Variants in OR7D4 observed in about 807,000 individuals in gnomAD.
OR7D4 encodes olfactory receptor family 7 subfamily D member 4.
For synonymous variants in OR7D4, 154 were observed against 158.4 expected (o/e 0.97, Z 0.21); for missense variants, 319 against 377.1 (o/e 0.85, Z 1.27).
chr19:9,214,120 T>G lies in OR7D4; in HGVS notation c.718A>C (p.Thr240Pro), dbSNP rs779947288. 6 of 1,614,018 alleles carry G rather than the reference T, an allele frequency of 3.7e-6. No individual in the cohort carries two copies. Among genetic ancestry groups the G allele is most frequent in the Non-Finnish European group, 5.1e-6 (6 of 1,179,980 alleles). The change falls in exon 2 of 2, where the codon ACC becomes CCC. Residue 240 changes from threonine to proline, a missense_variant. Thr to Pro is a conservative substitution (Grantham distance 38). Transcript: ENST00000641669. Reference sequence around the variant, plus strand: ...ACCACACAGAGGTGAGATCCACAGGTGGAAAAGGCTTTGTACTTGCCCTTG... The same window carrying G: ...ACCACACAGAGGTGAGATCCACAGGGGGAAAAGGCTTTGTACTTGCCCTTG... ...STKGKYKAFSTCGSHLCVVSL... is the reference protein window; with the variant it reads ...STKGKYKAFSPCGSHLCVVSL...
At position 9,212,664 on chromosome 19, in the gene OR7D4, G is replaced by A. The variant is rs1484177039; in HGVS notation, c.*1235C>T. On this transcript the variant is annotated 3_prime_UTR_variant, in exon 2 of 2. Coordinates refer to ENST00000641669, the MANE Select transcript of OR7D4 (RefSeq NM_001005191.3). ...TAGCATGTCAGACTCATTCTGGCCA[G>A]TATATTACTAGGAACCATTTGACCC... The A allele has an allele frequency of 6.6e-6, 1 of 152,136 alleles. No individual in the cohort carries two copies. Among genetic ancestry groups the A allele is most frequent in the Non-Finnish European group, 1.5e-5 (1 of 68,038 alleles). 9.4% of individuals were successfully genotyped at this position (152,136 alleles called of 1,614,324 possible). A position where few individuals can be genotyped will look rare whatever the true frequency, so the allele number is the denominator to read the frequency against.
chr19:9,219,547 A>G lies in OR7D4; in HGVS notation c.-361T>C, dbSNP rs1457892345. ...CTGGGTCACACTAACTCTGATGGTT[A>G]TCACTGAAGTTTTCTCTTCTACACG... On this transcript the variant is annotated 5_prime_UTR_variant, in exon 1 of 2. Coordinates refer to ENST00000641669, the MANE Select transcript of OR7D4 (RefSeq NM_001005191.3). 1.3e-5 allele frequency: 2 copies of G among 152,180 alleles called. No homozygotes were observed. Among genetic ancestry groups the G allele is most frequent in the Non-Finnish European group, 2.9e-5 (2 of 68,042 alleles). 9.4% of individuals were successfully genotyped at this position (152,180 alleles called of 1,614,324 possible). A position where few individuals can be genotyped will look rare whatever the true frequency, so the allele number is the denominator to read the frequency against.
intron 1 of OR7D4, 144 bp from the exon 2 acceptor site, chr19:9,214,994 G>A: frequency 1.7e-6 from 1 of 590,194 alleles, no homozygotes. Context: ...TCAGGAAGTG[G>A]TATCTATTTT....
intron 1 of OR7D4, 92 bp from the exon 2 acceptor site, chr19:9,214,942 T>A: frequency 1.5e-6 from 1 of 653,108 alleles, no homozygotes; most frequent in Non-Finnish European, 2.7e-6. Flanking sequence ...TTGATGGACA[T>A]TTGTCACCCT....
intron 1 of OR7D4, among the ~76,000 whole-genome samples, chr19:9,215,065 C>T (rs556023402): frequency 6.6e-6 from 1 of 152,144 alleles, no homozygotes; most frequent in Non-Finnish European, 1.5e-5. Context: ...CTCTCTTTGG[C>T]CGGGCATGGT....
rs1442954619 is a variant in OR7D4 at position 9,214,358 on chromosome 19, A to C, written c.480T>G (p.Ile160Met). 1 of 1,614,034 alleles carries C rather than the reference A, an allele frequency of 6.2e-7. No homozygotes were observed. The highest frequency in any genetic ancestry group is 8.5e-7 in the Non-Finnish European group (1 of 1,180,032). The part of the protein sequence containing the change: ...FIIFWFSLVH[I>M]LLMKRLTFST... ...AGAAGGTCAACCTCTTCATCAGTAG[A>C]ATATGAACCAGGGAGAACCAGAAAA... The change falls in exon 2 of 2, where the codon ATT (isoleucine) becomes ATG (methionine). Residue 160 changes from isoleucine (I) to methionine (M), a missense_variant. By Grantham distance (10) the Ile-to-Met change is conservative. Coordinates refer to ENST00000641669, the MANE Select transcript of OR7D4 (RefSeq NM_001005191.3).
At chr19:9,218,598 T>A (rs1389260410) in intron 1 of OR7D4, among the ~76,000 whole-genome samples, 1 of 152,156 alleles carries the variant, frequency 6.6e-6, no homozygotes, top group African/African-American at 2.4e-5. Context: ...CTACTACAAT[T>A]TCAATCTTTT....
chr19:9,216,819 T>C (rs750473070), intron 1 of OR7D4, among the ~76,000 whole-genome samples: 1 of 152,206 alleles, frequency 6.6e-6, no homozygotes, highest in Non-Finnish European at 1.5e-5. Context: ...TTTGAACTCC[T>C]GGGCTCAAGT....
At chr19:9,216,499 T>C (rs531782385) in intron 1 of OR7D4, among the ~76,000 whole-genome samples, 1 of 152,324 alleles carries the variant, frequency 6.6e-6, no homozygotes, top group South Asian at 2.1e-4. Context: ...TGTGGGAATA[T>C]TGAAGAGTGA....
chr19:9,215,208 T>C (rs2051202865), intron 1 of OR7D4, among the ~76,000 whole-genome samples: 2 of 152,098 alleles, frequency 1.3e-5, no homozygotes, highest in Non-Finnish European at 2.9e-5. Context: ...CTGGGCGTTG[T>C]GGAGTGCACC....
chr19:9,215,502 C>T (rs1289296058), intron 1 of OR7D4, among the ~76,000 whole-genome samples: 1 of 152,060 alleles, frequency 6.6e-6, no homozygotes, highest in East Asian at 1.9e-4. Flanking sequence ...CCCCATGCTT[C>T]CTTCATTCTA....
At position 9,219,206 on chromosome 19, in the gene OR7D4, C is replaced by T. The variant is rs957068659; in HGVS notation, c.-20G>A. The stretch of plus-strand genomic sequence containing the variant: ...AGGAACACATAGACAATACCTTGAG[C>T]ATAGTAGATCTTCCGTGAGTAGTTA... On this transcript the variant is annotated 5_prime_UTR_variant, in exon 1 of 2. The change abolishes an upstream ATG in the 5' untranslated region. Transcript: ENST00000641669. 1 of 152,086 alleles carries T rather than the reference C, an allele frequency of 6.6e-6. No individual in the cohort carries two copies. The highest frequency in any genetic ancestry group is 2.4e-5 in the African/African-American group (1 of 41,404). 9.4% of individuals were successfully genotyped at this position (152,086 alleles called of 1,614,324 possible). A position where few individuals can be genotyped will look rare whatever the true frequency, so the allele number is the denominator to read the frequency against.
rs1025996188 is a variant in OR7D4 at position 9,213,041 on chromosome 19, G to C, written c.*858C>G. On this transcript the variant is annotated 3_prime_UTR_variant, in exon 2 of 2. Coordinates refer to ENST00000641669, the MANE Select transcript of OR7D4 (RefSeq NM_001005191.3). ...TCCTCCTTTGAGAAATGCAGTGAAT[G>C]AGACAAAATTTCTCACGAAATGTTT... 6.6e-6 allele frequency: 1 copy of C among 152,208 alleles called. No homozygotes were observed. The highest frequency in any genetic ancestry group is 1.5e-5 in the Non-Finnish European group (1 of 68,042). 9.4% of individuals were successfully genotyped at this position (152,208 alleles called of 1,614,324 possible). A position where few individuals can be genotyped will look rare whatever the true frequency, so the allele number is the denominator to read the frequency against.
At chr19:9,215,559 C>G (rs752512499) in intron 1 of OR7D4, among the ~76,000 whole-genome samples, 12 of 152,010 alleles carry the variant, frequency 7.9e-5, no homozygotes, top group Non-Finnish European at 1.5e-4. Flanking sequence ...ACCCAAACAA[C>G]CTTTATTCTG....
rs559806910 is a variant in OR7D4, at chr19:9,213,245, A to C, written c.*654T>G. 6.6e-6 allele frequency: 1 copy of C among 152,330 alleles called. No homozygotes were observed. Among genetic ancestry groups the C allele is most frequent in the East Asian group, 1.9e-4 (1 of 5,190 alleles). 9.4% of individuals were successfully genotyped at this position (152,330 alleles called of 1,614,324 possible). On this transcript the variant is annotated 3_prime_UTR_variant, in exon 2 of 2. Coordinates refer to ENST00000641669, the MANE Select transcript of OR7D4 (RefSeq NM_001005191.3). ...TAATTTTTGAGGAAACCAGGTCAGC[A>C]CTTGATATTGGGAGTGCCATACACA...
At position 9,212,255 on chromosome 19, in the gene OR7D4, T is replaced by C. The variant is rs2146002392; in HGVS notation, c.*1644A>G. On this transcript the variant is annotated 3_prime_UTR_variant, in exon 2 of 2. Transcript: ENST00000641669. ...TTTATTTATTTATTTTGTTTTATGT[T>C]TTAGACAGAGTCTTGCTCTGTCGCC... The C allele has an allele frequency of 6.6e-6, 1 of 152,358 alleles. No homozygotes were observed. The highest frequency in any genetic ancestry group is 2.1e-4 in the South Asian group (1 of 4,832). 9.4% of individuals were successfully genotyped at this position (152,358 alleles called of 1,614,324 possible). A position where few individuals can be genotyped will look rare whatever the true frequency, so the allele number is the denominator to read the frequency against.
At position 9,213,294 on chromosome 19, in the gene OR7D4, G is replaced by C. The variant is rs1018227884; in HGVS notation, c.*605C>G. 1 of 152,316 alleles carries C rather than the reference G, an allele frequency of 6.6e-6. No individual in the cohort carries two copies. Among genetic ancestry groups the C allele is most frequent in the African/African-American group, 2.4e-5 (1 of 41,392 alleles). The allele number at this position is 152,316 out of a possible 1,614,324, so 9.4% of individuals were successfully genotyped here. A position where few individuals can be genotyped will look rare whatever the true frequency, so the allele number is the denominator to read the frequency against. ...CATCAAATTAGAAGTCTCAGAAAGA[G>C]TGGTAAGAAAACTGATCAAAGATGG... On this transcript the variant is annotated 3_prime_UTR_variant, in exon 2 of 2. Transcript: ENST00000641669.
chr19:9,215,757 G>T (rs1263237782), intron 1 of OR7D4, among the ~76,000 whole-genome samples: 1 of 152,062 alleles, frequency 6.6e-6, no homozygotes, highest in Admixed American at 6.6e-5. Context: ...TTCCTTTTAT[G>T]ATAATTACTT....
rs150584294 is a variant in OR7D4 at position 9,219,416 on chromosome 19, A to C, written c.-230T>G. The C allele has an allele frequency of 4.2e-4, 64 of 152,264 alleles. No homozygotes were observed. The highest frequency in any genetic ancestry group is 1.5e-3 in the African/African-American group (63 of 41,532). The allele number at this position is 152,264 out of a possible 1,614,324, so 9.4% of individuals were successfully genotyped here. A position where few individuals can be genotyped will look rare whatever the true frequency, so the allele number is the denominator to read the frequency against. On this transcript the variant is annotated 5_prime_UTR_variant, in exon 1 of 2. Coordinates refer to ENST00000641669, the MANE Select transcript of OR7D4 (RefSeq NM_001005191.3). The stretch of plus-strand genomic sequence containing the variant: ...ACTAAAGTACCATCAAAGTACAGGG[A>C]CTTCACCTTCATAGACTCAATAAGT...
Sources: allele counts gnomAD v4.1 joint callset (sites outside exome capture counted in the v4.1 genomes callset), GRCh38; gene constraint gnomAD v4.1.1; transcripts MANE v1.5; gene names NCBI Gene and HGNC (gene_info 2026-07-23, HGNC 2026-07-21).